The following PDE8B variants were observed in gnomAD, a reference collection of about 807,000 sequenced individuals.
PDE8B encodes the protein high affinity cAMP-specific and IBMX-insensitive 3',5'-cyclic phosphodiesterase 8B.
Under a neutral mutation model 101.3 loss-of-function variants are expected in PDE8B, and 26 were observed. The ratio of observed to expected loss-of-function variants is 0.26; its 90% CI spans 0.19 to 0.36. The LOEUF (loss-of-function observed/expected upper bound fraction) is 0.36, where lower values mean the gene tolerates loss of function less well. Among genes scored for constraint, PDE8B ranks in the 10% least tolerant of loss-of-function variants. PDE8B has a pLI of 1.00. For synonymous variants in PDE8B, 424 were observed against 429.3 expected, an observed-to-expected ratio of 0.99 and a Z score of 0.15; for missense variants, 810 against 1,163.1, an observed-to-expected ratio of 0.70 and a Z score of 4.42.
At chr5:77,381,868 G>A (rs951959996) in intron 10 of PDE8B, among the ~76,000 whole-genome samples, 1 of 152,096 alleles carries the variant, frequency 6.6e-6, no homozygotes, top group South Asian at 2.1e-4. Context: ...CTTACACTTG[G>A]TAGATTGACA....
At chr5:77,385,336 T>G (rs1472886964) in intron 10 of PDE8B, among the ~76,000 whole-genome samples, 1 of 152,202 alleles carries the variant, frequency 6.6e-6, no homozygotes, top group Non-Finnish European at 1.5e-5. Flanking sequence ...TATGATTTTT[T>G]ATTGCATCTA....
chr5:77,244,637 T>A lies in PDE8B; in HGVS notation c.339+33373T>A, dbSNP rs893136632. ...TCTCACTTTATACTAAGTACTTTTT[T>A]AAGTGCTCTCTCTCTCTCTATATAT... On this transcript the variant is annotated intron_variant, in intron 1 of 21. Coordinates refer to ENST00000264917, the MANE Select transcript of PDE8B (RefSeq NM_003719.5). Among the ~76,000 whole-genome samples the A allele has an allele frequency of 1.1e-4, 17 of 152,172 alleles. 1 individual carries two copies. The South Asian group carries it at 3.1e-3, about 28-fold the overall frequency.
At chr5:77,328,495 T>C (rs766066423) in intron 3 of PDE8B, among the ~76,000 whole-genome samples, 54 of 151,100 alleles carry the variant, frequency 3.6e-4, no homozygotes, top group East Asian at 2.1e-3. Flanking sequence ...TTGAGGTGGC[T>C]CTTTGTACCA....
chr5:77,421,152 C>T (rs1222867519), intron 19 of PDE8B, among the ~76,000 whole-genome samples: 1 of 152,210 alleles, frequency 6.6e-6, no homozygotes, highest in African/African-American at 2.4e-5. Flanking sequence ...TCTTTCTAAA[C>T]ATGGCTGAAC....
chr5:77,088,571 TG>T, the PDE8B span: 1 of 136,460 alleles, frequency 7.3e-6, no homozygotes, highest in Non-Finnish European at 1.6e-5. Flanking sequence ...GATGGGGAGC[TG>T]GAAAGGGGGT....
chr5:77,166,449 A>T, the PDE8B span, among the ~76,000 whole-genome samples: 3 of 152,178 alleles, frequency 2.0e-5, no homozygotes, highest in Admixed American at 2.0e-4. Flanking sequence ...TCAATCCATT[A>T]TCAACCCAAT....
chr5:77,180,166 A>G, the PDE8B span, among the ~76,000 whole-genome samples: 1 of 152,138 alleles, frequency 6.6e-6, no homozygotes, highest in South Asian at 2.1e-4. Context: ...GGGGCCAGGA[A>G]GGTGTTGCCC....
At chr5:77,345,062 G>T (rs1779904860) in intron 7 of PDE8B, 131 bp downstream of exon 7, 6 of 730,244 alleles carry the variant, frequency 8.2e-6, no homozygotes, top group Non-Finnish European at 1.5e-5. Flanking sequence ...TAAATATCAA[G>T]CTGTGCAAAG....
intron 2 of PDE8B, among the ~76,000 whole-genome samples, chr5:77,312,600 G>A (rs1040960583): frequency 3.9e-5 from 6 of 152,212 alleles, no homozygotes; most frequent in Non-Finnish European, 7.3e-5. Flanking sequence ...GTCACAACTG[G>A]GTGGGAATCT....
chr5:77,374,986 T>C (rs1001383529), intron 10 of PDE8B, among the ~76,000 whole-genome samples: 3 of 152,166 alleles, frequency 2.0e-5, no homozygotes, highest in African/African-American at 4.8e-5. Context: ...CACCCAACTC[T>C]AGGTTCTCTA....
chr5:77,387,506 T>G (rs1333342698), intron 10 of PDE8B, among the ~76,000 whole-genome samples: 7 of 152,234 alleles, frequency 4.6e-5, no homozygotes, highest in Admixed American at 4.6e-4. Flanking sequence ...CATTTTTTCC[T>G]TCATTTCAAC....
In PDE8B at chr5:77,211,715, T is replaced by G. The variant is rs571929644; in HGVS notation, c.339+451T>G. Among the ~76,000 whole-genome samples the G allele has an allele frequency of 2.9e-4, 44 of 152,350 alleles. No homozygotes were observed. The highest frequency in any genetic ancestry group is 9.8e-4 in the Admixed American group (15 of 15,314). On this transcript the variant is annotated intron_variant, in intron 1 of 21. Transcript: ENST00000264917. The surrounding 1 kb of genome is among the most constrained non-coding windows in gnomAD (Gnocchi z 4.1). ...CACCAGGATAGATAGTGCCCCATAT[T>G]CCGATTTTTACCTGGGATTACCAGC...
rs751832549 is a variant in PDE8B, at chr5:77,400,109, A to C, written c.1168-139A>C. ...TAGTACCACTTGGTGTATGTCTTTC[A>C]TCTGTTCATATTATATGTGCAGCTT... On this transcript the variant is annotated intron_variant, in intron 10 of 21. Coordinates refer to ENST00000264917, the MANE Select transcript of PDE8B (RefSeq NM_003719.5). The C allele has an allele frequency of 8.8e-6, 6 of 681,864 alleles. No homozygotes were observed. In the Admixed American group the frequency reaches 1.3e-4, roughly 15 times the overall value. The allele number at this position is 681,864 out of a possible 1,614,324, so 42.2% of individuals were successfully genotyped here. A position where few individuals can be genotyped will look rare whatever the true frequency, so the allele number is the denominator to read the frequency against.
At chr5:77,116,086 A>C in the PDE8B span, among the ~76,000 whole-genome samples, 1 of 151,964 alleles carries the variant, frequency 6.6e-6, no homozygotes, top group Non-Finnish European at 1.5e-5. Flanking sequence ...GCAATGACGA[A>C]CTTGTTCCCT....
intron 1 of PDE8B, among the ~76,000 whole-genome samples, chr5:77,258,604 C>CAGATATGT (rs1759705975): frequency 6.6e-6 from 1 of 152,190 alleles, no homozygotes; most frequent in African/African-American, 2.4e-5. Context: ...CATCAGGAAA[C>CAGATATGT]AGATATGTAT....
At chr5:77,127,496 A>G in the PDE8B span, among the ~76,000 whole-genome samples, 29 of 151,990 alleles carry the variant, frequency 1.9e-4, no homozygotes, top group Non-Finnish European at 3.4e-4. Context: ...TTTATAAATT[A>G]CCCAGTCTTA....
At chr5:77,335,523 T>A (rs1212914105) in intron 5 of PDE8B, among the ~76,000 whole-genome samples, 1 of 141,576 alleles carries the variant, frequency 7.1e-6, no homozygotes, top group East Asian at 2.1e-4. Flanking sequence ...CACTCCAGTG[T>A]ATATGTGGGG....
At chr5:77,183,388 G>C in the PDE8B span, among the ~76,000 whole-genome samples, 2 of 152,146 alleles carry the variant, frequency 1.3e-5, no homozygotes, top group African/African-American at 4.8e-5. Flanking sequence ...AAAGTGCTGG[G>C]ATTACAGGCA....
chr5:77,308,999 C>T (rs1420583191), intron 1 of PDE8B, among the ~76,000 whole-genome samples: 2 of 151,772 alleles, frequency 1.3e-5, no homozygotes, highest in Non-Finnish European at 1.5e-5. Flanking sequence ...GCCAACATGG[C>T]GAAACCCCAT....
Sources: gnomAD v4.1 joint callset for allele counts (sites outside exome capture counted in the v4.1 genomes callset) on GRCh38, gnomAD v4.1.1 for gene constraint, Gnocchi (gnomAD v3.1) non-coding constraint, MANE v1.5 for transcripts, NCBI Gene and HGNC (gene_info 2026-07-23, HGNC 2026-07-21) for gene names.